The following COPG2 variants were observed in gnomAD, a reference collection of about 807,000 sequenced individuals.
COPG2 encodes coat protein complex I subunit gamma 2.
In COPG2, 37 loss-of-function variants were observed where a neutral mutation model predicts 46.3. That is an observed-to-expected ratio of 0.80 (90% CI 0.61 to 1.05). COPG2 has a LOEUF of 1.05. Among genes scored for constraint, COPG2 ranks in the 50% least tolerant of loss-of-function variants. The pLI, the probability that COPG2 is intolerant of heterozygous loss-of-function variation, is 0.00. For synonymous variants in COPG2, 159 were observed against 129.7 expected (o/e 1.23, Z -1.53); for missense variants, 427 against 387.8 (o/e 1.10, Z -0.85).
intron 9 of COPG2, among the ~76,000 whole-genome samples, chr7:130,565,978 T>C (rs913585243): frequency 2.6e-5 from 4 of 152,050 alleles, no homozygotes; most frequent in African/African-American, 4.8e-5. Context: ...TTTTGGATGA[T>C]AGGAGTTTTC....
chr7:130,618,100 CAA>C (rs10695449), intron 5 of COPG2, among the ~76,000 whole-genome samples: 11 of 64,600 alleles, frequency 1.7e-4, no homozygotes, highest in Admixed American at 2.2e-4. Context: ...GACCCTGTCT[CAA>C]AAAAAAAAAA....
rs369174491 is a variant in COPG2, at chr7:130,613,538, A to G, written c.492+6T>C. On this transcript the variant is annotated splice_donor_region_variant and intron_variant, in intron 7 of 23. Transcript: ENST00000425248. ...TTAAGAACTAGGAAGCTGCTTGTTC[A>G]CTTACCAGGGAAGATACCAGTGCTG... The G allele has an allele frequency of 3.1e-4, 478 of 1,557,510 alleles. 6 individuals carry two copies. The African/African-American group carries it at 5.6e-3, about 18-fold the overall frequency.
intron 5 of COPG2, among the ~76,000 whole-genome samples, chr7:130,642,103 A>G (rs1238590724): frequency 6.6e-6 from 1 of 152,014 alleles, no homozygotes; most frequent in Admixed American, 6.6e-5. Context: ...TCAATTCTCA[A>G]TTCCTCAATT....
intron 4 of COPG2, 106 bp from the exon 5 acceptor site, chr7:130,653,054 T>C (rs1423326002): frequency 2.9e-6 from 2 of 693,986 alleles, no homozygotes; most frequent in Non-Finnish European, 4.7e-6. Context: ...AAAGATATTC[T>C]TTAAAAGAGT....
intron 9 of COPG2, among the ~76,000 whole-genome samples, chr7:130,567,035 C>G (rs1793815438): frequency 6.6e-6 from 1 of 152,160 alleles, no homozygotes; most frequent in Non-Finnish European, 1.5e-5. Flanking sequence ...AAACGTAGTA[C>G]ATATACACCA....
intron 20 of COPG2, among the ~76,000 whole-genome samples, chr7:130,543,610 T>C (rs1044074180): frequency 0.21 from 31,998 of 152,118 alleles, 3,518 homozygotes; most frequent in Middle Eastern, 0.25. Flanking sequence ...AGGAAGTGTT[T>C]TGAACACTGG....
At chr7:130,630,902 G>C (rs1260283950) in intron 5 of COPG2, among the ~76,000 whole-genome samples, 1 of 152,112 alleles carries the variant, frequency 6.6e-6, no homozygotes, top group Non-Finnish European at 1.5e-5. Context: ...TCTGAGCTGG[G>C]CACAGTGGCT....
chr7:130,552,907 T>C (rs1457785308), intron 14 of COPG2, among the ~76,000 whole-genome samples: 4 of 152,178 alleles, frequency 2.6e-5, no homozygotes, highest in African/African-American at 7.2e-5. Flanking sequence ...GTGGGAAAGA[T>C]AGGTATGTAG....
intron 9 of COPG2, among the ~76,000 whole-genome samples, chr7:130,573,855 G>A (rs1488222916): frequency 1.3e-5 from 2 of 152,152 alleles, no homozygotes; most frequent in Non-Finnish European, 2.9e-5. Flanking sequence ...CAATGTATAA[G>A]TGTGTTGATA....
chr7:130,536,031 G>A (rs946873587), intron 20 of COPG2, among the ~76,000 whole-genome samples: 1 of 152,000 alleles, frequency 6.6e-6, no homozygotes, highest in African/African-American at 2.4e-5. Flanking sequence ...CAGTAGTAAG[G>A]GCCTACGAAA....
At chr7:130,623,036 C>T (rs1554453808) in intron 5 of COPG2, among the ~76,000 whole-genome samples, 1 of 152,200 alleles carries the variant, frequency 6.6e-6, no homozygotes, top group African/African-American at 2.4e-5. Flanking sequence ...CAGTGATCAT[C>T]ATTCCAAATA....
intron 4 of COPG2, among the ~76,000 whole-genome samples, chr7:130,656,798 G>C (rs1299477001): frequency 3.9e-5 from 6 of 151,972 alleles, no homozygotes; most frequent in African/African-American, 1.4e-4. Flanking sequence ...AGAAGTTAGA[G>C]AGACTTGAAT....
At chr7:130,582,557 G>C in intron 9 of COPG2, among the ~76,000 whole-genome samples, 1 of 151,458 alleles carries the variant, frequency 6.6e-6, no homozygotes, top group East Asian at 1.9e-4. Context: ...AGAGTGAACA[G>C]GCAACCTACA....
chr7:130,519,787 T>A (rs1799710423), intron 20 of COPG2, among the ~76,000 whole-genome samples: 1 of 151,988 alleles, frequency 6.6e-6, no homozygotes, highest in African/African-American at 2.4e-5. Flanking sequence ...CAGTTTTGAG[T>A]AGGTGGAAAA....
rs545170421 is a variant in COPG2 at position 130,651,191 on chromosome 7, T to C, written c.323+1678A>G. 4.9e-4 allele frequency among the ~76,000 whole-genome samples: 74 copies of C among 152,346 alleles called. 1 individual carries two copies. The highest frequency in any genetic ancestry group is 1.7e-3 in the African/African-American group (70 of 41,588). On this transcript the variant is annotated intron_variant, in intron 5 of 23. Coordinates refer to ENST00000425248, the MANE Select transcript of COPG2 (RefSeq NM_012133.6). ...ATTACACACTTAGAACTATAAATTA[T>C]ATATACTTATTCTAGGACATTTGCA...
At chr7:130,616,359 C>T (rs1584581800) in intron 6 of COPG2, among the ~76,000 whole-genome samples, 1 of 151,898 alleles carries the variant, frequency 6.6e-6, no homozygotes, top group Non-Finnish European at 1.5e-5. Context: ...TCCCACATGG[C>T]GATGATTATT....
chr7:130,520,731 C>T (rs992163888), intron 20 of COPG2, among the ~76,000 whole-genome samples: 1 of 152,156 alleles, frequency 6.6e-6, no homozygotes, highest in African/African-American at 2.4e-5. Context: ...ATTCAAGCAA[C>T]TCATCAGGTG....
intron 20 of COPG2, chr7:130,546,794 G>C (rs1361347593): frequency 1.3e-5 from 2 of 152,150 alleles, no homozygotes; most frequent in African/African-American, 2.4e-5. Flanking sequence ...CTATTTACTA[G>C]TGCTTTTATG....
At chr7:130,546,334 T>C (rs1361998246) in intron 20 of COPG2, among the ~76,000 whole-genome samples, 1 of 152,138 alleles carries the variant, frequency 6.6e-6, no homozygotes, top group East Asian at 1.9e-4. Context: ...AATTACTGGC[T>C]AGTGGACATA....
Sources: gnomAD v4.1 joint callset for allele counts (sites outside exome capture counted in the v4.1 genomes callset) on GRCh38, gnomAD v4.1.1 for gene constraint, MANE v1.5 for transcripts, NCBI Gene and HGNC (gene_info 2026-07-23, HGNC 2026-07-21) for gene names.